The following ADGRD1 variants were observed in gnomAD, a reference collection of about 807,000 sequenced individuals.
ADGRD1 encodes the protein G-protein coupled receptor 133.
In ADGRD1, 77 loss-of-function variants were observed where a neutral mutation model predicts 113.4. The ratio of observed to expected loss-of-function variants is 0.68; its 90% CI spans 0.57 to 0.82. ADGRD1 has a LOEUF of 0.82. Among genes scored for constraint, ADGRD1 ranks in the 40% least tolerant of loss-of-function variants. The pLI is 0.00. For missense variants in ADGRD1, 1,036 were observed against 1,139.1 expected (o/e 0.91, Z 1.30); for synonymous variants, 474 against 475.0 (o/e 1.00, Z 0.03).
At position 130,991,160 on chromosome 12, in the gene ADGRD1, A is replaced by G. The variant is rs1874332327; in HGVS notation, c.810+82A>G. ...TTGCTGGGAGAGAGAAAATTCCATT[A>G]GGTGTCTGGGCTCTCTGTTATCGGC... is the stretch of plus-strand genomic sequence containing the variant. On this transcript the variant is annotated intron_variant, in intron 7 of 24. Transcript: ENST00000261654. 6 of 1,133,454 alleles carry G rather than the reference A, an allele frequency of 5.3e-6. No homozygotes were observed. In the Admixed American group the frequency reaches 8.7e-5, roughly 16 times the overall value. 70.2% of individuals were successfully genotyped at this position (1,133,454 alleles called of 1,614,324 possible).
Position 130,966,891 on chromosome 12 carries a change from A to C in ADGRD1, c.187+345A>C. The C allele has an allele frequency of 9.3e-6, 4 of 431,886 alleles. No homozygotes were observed. The Middle Eastern group carries it at 1.7e-3, about 181-fold the overall frequency. The allele number at this position is 431,886 out of a possible 1,614,324, so 26.8% of individuals were successfully genotyped here. A position where few individuals can be genotyped will look rare whatever the true frequency, so the allele number is the denominator to read the frequency against. On this transcript the variant is annotated intron_variant, in intron 3 of 24. Transcript: ENST00000261654. This position sits in a 1 kb window ranked among gnomAD's most constrained non-coding sequence, Gnocchi z 4.6. ...GGCCTTGGCCTCCCAAAGTGCTGGA[A>C]TTACAGGCGTGAGCCACTGTGCCAG... is the stretch of plus-strand genomic sequence containing the variant.
At chr12:131,051,685 C>T (rs1044118547) in intron 13 of ADGRD1, among the ~76,000 whole-genome samples, 1 of 152,114 alleles carries the variant, frequency 6.6e-6, no homozygotes, top group African/African-American at 2.4e-5. Context: ...GGGGTTTTAC[C>T]ATGTTGACCA....
Position 131,120,853 on chromosome 12 carries a change from G to A in ADGRD1, c.2115G>A (p.Trp705Ter). 6.2e-7 allele frequency: 1 copy of A among 1,614,244 alleles called. No individual in the cohort carries two copies. The highest frequency in any genetic ancestry group is 1.1e-5 in the South Asian group (1 of 91,086). ...MDSYGTSNNC[W>*]LSLASGAIWA... ...GCTCTGCTTCCCTCCGCAGTTGCTG[G>A]CTGTCGTTGGCGAGTGGCGCCATCT... The change falls in exon 20 of 25, where the codon TGG (tryptophan) becomes TGA (stop). Residue 705 changes from tryptophan to a stop codon, truncating the protein, a stop_gained. Transcript: ENST00000261654. LOFTEE classifies it high-confidence loss of function.
chr12:131,042,769 A>G (rs1241652302), intron 13 of ADGRD1, among the ~76,000 whole-genome samples: 4 of 152,224 alleles, frequency 2.6e-5, no homozygotes, highest in African/African-American at 9.6e-5. Flanking sequence ...GTTCCTCCTG[A>G]GCGTGTGGGA....
chr12:131,004,061 T>TAA (rs1876763300), intron 10 of ADGRD1, 125 bp from the exon 11 acceptor site: 2 of 583,584 alleles, frequency 3.4e-6, no homozygotes, highest in East Asian at 5.9e-5. Context: ...TTTCTAAAGG[T>TAA]AATTATACTT....
At chr12:131,011,044 A>T (rs982525903) in intron 12 of ADGRD1, among the ~76,000 whole-genome samples, 1 of 151,580 alleles carries the variant, frequency 6.6e-6, no homozygotes. Flanking sequence ...GAGGCAGGGT[A>T]TAAGGGGCAG....
chr12:131,066,112 G>T (rs1884699639), intron 13 of ADGRD1, among the ~76,000 whole-genome samples: 1 of 152,170 alleles, frequency 6.6e-6, no homozygotes, highest in African/African-American at 2.4e-5. Flanking sequence ...AAATTTGTGG[G>T]GCAACTCCAG....
intron 13 of ADGRD1, chr12:131,026,559 CTT>C (rs1879981206): frequency 6.6e-6 from 1 of 152,400 alleles, no homozygotes. Context: ...GGAATCCAGA[CTT>C]TGGCCTTTTG....
chr12:131,054,678 G>A (rs2137058386), intron 13 of ADGRD1, among the ~76,000 whole-genome samples: 1 of 152,250 alleles, frequency 6.6e-6, no homozygotes, highest in Non-Finnish European at 1.5e-5. Context: ...CTGAGAACTC[G>A]AGGGGCCCTC....
In ADGRD1 at chr12:131,115,831, C is replaced by A. The variant is rs563270640; in HGVS notation, c.2042-2554C>A. The stretch of plus-strand genomic sequence containing the variant: ...ATTATTGCAAGATCAGCTTCATCAT[C>A]GAGGGGCTCATCATTCATAGACAGC... On this transcript the variant is annotated intron_variant, in intron 18 of 24. Coordinates refer to ENST00000261654, the MANE Select transcript of ADGRD1 (RefSeq NM_198827.5). Among the ~76,000 whole-genome samples the A allele has an allele frequency of 2.6e-5, 4 of 152,234 alleles. No homozygotes were observed. The East Asian group carries it at 7.7e-4, about 29-fold the overall frequency.
chr12:131,138,294 C>G (rs987891876), intron 24 of ADGRD1, 65 bp downstream of exon 24: 8 of 1,355,234 alleles, frequency 5.9e-6, no homozygotes, highest in African/African-American at 2.9e-5. Flanking sequence ...CGGTTGTCAG[C>G]AGGATGGGGT....
chr12:131,044,610 G>A (rs765800886), intron 13 of ADGRD1, among the ~76,000 whole-genome samples: 10 of 152,120 alleles, frequency 6.6e-5, no homozygotes, highest in Non-Finnish European at 1.2e-4. Context: ...TTTTCACCAC[G>A]ATTCCCAGGC....
intron 15 of ADGRD1, among the ~76,000 whole-genome samples, chr12:131,090,727 C>T (rs1886851557): frequency 6.6e-6 from 1 of 152,226 alleles, no homozygotes; most frequent in Non-Finnish European, 1.5e-5. Flanking sequence ...TGCTGATGGA[C>T]ACTGCGATGG....
At chr12:131,072,744 G>A (rs561660866) in intron 13 of ADGRD1, among the ~76,000 whole-genome samples, 2 of 152,238 alleles carry the variant, frequency 1.3e-5, no homozygotes, top group South Asian at 4.1e-4. Flanking sequence ...AGACTTGGGG[G>A]TGTCATGTTC....
At chr12:130,987,613 A>G (rs1274997034) in intron 6 of ADGRD1, 2 of 517,000 alleles carry the variant, frequency 3.9e-6, no homozygotes, top group African/African-American at 3.8e-5. Flanking sequence ...ATGGACGATT[A>G]TAGAAGGCTT....
At chr12:131,133,591 C>T (rs1298074856) in intron 21 of ADGRD1, among the ~76,000 whole-genome samples, 4 of 152,196 alleles carry the variant, frequency 2.6e-5, no homozygotes, top group African/African-American at 9.6e-5. Flanking sequence ...TGCGTCCCTT[C>T]CGGGGAGGTG....
At chr12:131,034,727 A>G (rs1881183117) in intron 13 of ADGRD1, among the ~76,000 whole-genome samples, 1 of 152,190 alleles carries the variant, frequency 6.6e-6, no homozygotes, top group South Asian at 2.1e-4. Context: ...CTCGCTGGGC[A>G]GGGTGGGCTT....
At chr12:131,139,080 A>C in intron 24 of ADGRD1, 88 bp from the exon 25 acceptor site, 110 of 898,526 alleles carry the variant, frequency 1.2e-4, no homozygotes, top group Non-Finnish European at 1.8e-4. Context: ...TCGGGCAGCT[A>C]TGGGCCCAAT....
At chr12:131,069,154 A>G (rs1285720357) in intron 13 of ADGRD1, 1 of 152,208 alleles carries the variant, frequency 6.6e-6, no homozygotes, top group Non-Finnish European at 1.5e-5. Flanking sequence ...CCCATCCTCC[A>G]TCTCTGACGT....
Sources: gnomAD v4.1 joint callset for allele counts (sites outside exome capture counted in the v4.1 genomes callset) on GRCh38, gnomAD v4.1.1 for gene constraint, Gnocchi (gnomAD v3.1) non-coding constraint, MANE v1.5 for transcripts, NCBI Gene and HGNC (gene_info 2026-07-23, HGNC 2026-07-21) for gene names.